The following DOT1L variants were observed in gnomAD, a reference collection of about 807,000 sequenced individuals.
The protein encoded by DOT1L is DOT1 like histone lysine methyltransferase.
DOT1L carries 33 observed loss-of-function variants against 153.3 expected under a neutral mutation model. The observed-to-expected ratio is 0.22, with a 90% confidence interval of 0.16 to 0.29. DOT1L has a LOEUF of 0.29. Ranked by LOEUF, DOT1L falls within the 10% of genes least tolerant of loss-of-function variation. DOT1L has a pLI of 1.00. For missense variants in DOT1L, 1,847 were observed against 2,119.9 expected (o/e 0.87, Z 2.53); for synonymous variants, 1,135 against 965.1 (o/e 1.18, Z -3.26).
chr19:2,228,881 C>T (rs1350756712), intron 27 of DOT1L: 1 of 985,314 alleles, frequency 1.0e-6, no homozygotes, highest in Admixed American at 6.1e-5. Flanking sequence ...TCGGGGCTGT[C>T]TGGCCAGTAG....
chr19:2,215,304 G>A (rs905738177), intron 19 of DOT1L, among the ~76,000 whole-genome samples: 7 of 152,164 alleles, frequency 4.6e-5, no homozygotes, highest in African/African-American at 1.7e-4. Context: ...ACCGAGAAAC[G>A]CATTCGTGGA....
At chr19:2,185,765 T>C in intron 2 of DOT1L, 90 bp from the exon 3 acceptor site, 1 of 1,440,062 alleles carries the variant, frequency 6.9e-7, no homozygotes, top group Non-Finnish European at 9.7e-7. Flanking sequence ...TGAGACTCCG[T>C]CTCAAAACAA....
chr19:2,209,870 T>TA (rs2023644649), intron 12 of DOT1L, among the ~76,000 whole-genome samples: 1 of 152,126 alleles, frequency 6.6e-6, no homozygotes, highest in South Asian at 2.1e-4. Flanking sequence ...CCACCATGCT[T>TA]AGGGGGATGT....
chr19:2,195,924 G>T (rs557111255), intron 7 of DOT1L, among the ~76,000 whole-genome samples: 1 of 152,354 alleles, frequency 6.6e-6, no homozygotes, highest in African/African-American at 2.4e-5. Flanking sequence ...TACAGTTCCA[G>T]TCCCCTCCCA....
chr19:2,202,622 A>G, intron 8 of DOT1L, 78 bp from the exon 9 acceptor site: 2 of 1,422,226 alleles, frequency 1.4e-6, no homozygotes, highest in East Asian at 4.6e-5. Flanking sequence ...CACCGACAGC[A>G]GCGGTTGTTG....
intron 1 of DOT1L, among the ~76,000 whole-genome samples, chr19:2,178,690 G>A (rs903094524): frequency 6.6e-6 from 1 of 151,856 alleles, no homozygotes; most frequent in Non-Finnish European, 1.5e-5. Flanking sequence ...CAGAGTGCTG[G>A]GATTACAGGT....
chr19:2,228,383 G>GT (rs1295900969), intron 27 of DOT1L: 1 of 1,288,848 alleles, frequency 7.8e-7, no homozygotes, highest in African/African-American at 1.5e-5. Flanking sequence ...ATTGTGTAAG[G>GT]TAAGGCCAGA....
chr19:2,172,129 G>A (rs1269754814), intron 1 of DOT1L, among the ~76,000 whole-genome samples: 1 of 152,082 alleles, frequency 6.6e-6, no homozygotes, highest in East Asian at 1.9e-4. Flanking sequence ...GGCCTGTGGA[G>A]TTCTGCACAG....
chr19:2,225,268 TG>T, intron 25 of DOT1L, 119 bp from the exon 26 acceptor site: 2 of 995,378 alleles, frequency 2.0e-6, no homozygotes, highest in Non-Finnish European at 1.6e-6. Context: ...GTCCCCTGTC[TG>T]GGCCGAGTGC....
chr19:2,217,991 C>T lies in DOT1L; in HGVS notation c.2691+73C>T, dbSNP rs1166470530. ...ACAGTCTGGGGTGCTCGAGACCTGGCTCACTTTGCGAAGTCTCACGCTGTA... is the reference window on the plus strand; with the variant it reads ...ACAGTCTGGGGTGCTCGAGACCTGGTTCACTTTGCGAAGTCTCACGCTGTA... On this transcript the variant is annotated intron_variant, in intron 22 of 27. Coordinates refer to ENST00000398665, the MANE Select transcript of DOT1L (RefSeq NM_032482.3). This position sits in a 1 kb window ranked among gnomAD's most constrained non-coding sequence, Gnocchi z 7.3. 2.6e-6 allele frequency: 4 copies of T among 1,549,194 alleles called. No individual in the cohort carries two copies. The highest frequency in any genetic ancestry group is 1.4e-5 in the African/African-American group (1 of 74,016).
chr19:2,217,174 C>A lies in DOT1L; in HGVS notation c.2544+84C>A, dbSNP rs2144873952. ...CGAGTTGCTAGCAGGAGGGCTTGTC[C>A]TAGTTGACCTTGGGGCACGGTGAGG... On this transcript the variant is annotated intron_variant, in intron 21 of 27. Transcript: ENST00000398665. This position sits in a 1 kb window ranked among gnomAD's most constrained non-coding sequence, Gnocchi z 7.3. 1 of 1,462,184 alleles carries A rather than the reference C, an allele frequency of 6.8e-7. No homozygotes were observed. The highest frequency in any genetic ancestry group is 9.0e-7 in the Non-Finnish European group (1 of 1,109,768). The allele number at this position is 1,462,184 out of a possible 1,614,324, so 90.6% of individuals were successfully genotyped here.
intron 22 of DOT1L, among the ~76,000 whole-genome samples, chr19:2,218,646 G>A (rs1362330602): frequency 2.0e-5 from 3 of 151,940 alleles, no homozygotes; most frequent in Non-Finnish European, 4.4e-5. Context: ...GCCCGCCTGG[G>A]CCTCCCAAAG....
intron 25 of DOT1L, among the ~76,000 whole-genome samples, chr19:2,224,531 G>A (rs143385757): frequency 4.7e-5 from 7 of 150,260 alleles, no homozygotes; most frequent in South Asian, 2.1e-4. Flanking sequence ...GCGGTGGCGC[G>A]ATCTCGGCTC....
At chr19:2,194,254 T>C (rs1266176668) in intron 6 of DOT1L, among the ~76,000 whole-genome samples, 1 of 152,092 alleles carries the variant, frequency 6.6e-6, no homozygotes, top group Non-Finnish European at 1.5e-5. Context: ...CACTGCAAGC[T>C]CCGCCACCTG....
At chr19:2,228,221 G>GCTGGCC in intron 27 of DOT1L, 4 of 1,363,496 alleles carry the variant, frequency 2.9e-6, no homozygotes, top group South Asian at 2.3e-5. Flanking sequence ...CCCTGCCCCG[G>GCTGGCC]CTGGCCCTGG....
rs571890299 is a variant in DOT1L, at chr19:2,172,193, CT to C, written c.81+7942del. Among the ~76,000 whole-genome samples, 393 of 144,004 alleles carry C rather than the reference CT, an allele frequency of 2.7e-3. 1 individual carries two copies. Among genetic ancestry groups the C allele is most frequent in the African/African-American group, 5.9e-3 (235 of 39,610 alleles). The allele number at this position is 144,004 out of a possible 152,430, so 94.5% of individuals were successfully genotyped here. On this transcript the variant is annotated intron_variant, in intron 1 of 27. Coordinates refer to ENST00000398665, the MANE Select transcript of DOT1L (RefSeq NM_032482.3). ...TTTCTTTTTTGTTTTCTTTTCTTTCCTTTTTTTTTTTTTTGAGACGGAGTCT... is the reference window on the plus strand; with the variant it reads ...TTTCTTTTTTGTTTTCTTTTCTTTCCTTTTTTTTTTTTTGAGACGGAGTCT...
chr19:2,169,534 C>T (rs1389742540), intron 1 of DOT1L, among the ~76,000 whole-genome samples: 1 of 152,102 alleles, frequency 6.6e-6, no homozygotes, highest in African/African-American at 2.4e-5. Context: ...CGCTCTGTCT[C>T]CCAGGCTGGA....
In DOT1L at chr19:2,217,634, GT is replaced by G; in HGVS notation, c.2545-137del. ...CCGGTGTCCAGGAGGGCCTGACTGC[GT>G]GGGGAAGGTTGCAGGGCCTTGGCAG... On this transcript the variant is annotated intron_variant, in intron 21 of 27. Coordinates refer to ENST00000398665, the MANE Select transcript of DOT1L (RefSeq NM_032482.3). The surrounding 1 kb of genome is among the most constrained non-coding windows in gnomAD (Gnocchi z 7.3). 7.9e-7 allele frequency: 1 copy of G among 1,271,336 alleles called. No individual in the cohort carries two copies. The highest frequency in any genetic ancestry group is 1.1e-6 in the Non-Finnish European group (1 of 929,148). 78.8% of individuals were successfully genotyped at this position (1,271,336 alleles called of 1,614,324 possible). A position where few individuals can be genotyped will look rare whatever the true frequency, so the allele number is the denominator to read the frequency against.
At position 2,222,769 on chromosome 19, in the gene DOT1L, G is replaced by A. The variant is rs923089698; in HGVS notation, c.3390+210G>A. The A allele has an allele frequency of 2.8e-5, 16 of 571,574 alleles. No individual in the cohort carries two copies. Among genetic ancestry groups the A allele is most frequent in the Non-Finnish European group, 3.6e-5 (12 of 337,034 alleles). The allele number at this position is 571,574 out of a possible 1,614,324, so 35.4% of individuals were successfully genotyped here. ...CAAAAGATTAGCCGGGCGTGGTGGC[G>A]GGTGCCTGGGAGGCTGAGGCAGGAG... On this transcript the variant is annotated intron_variant, in intron 24 of 27. Coordinates refer to ENST00000398665, the MANE Select transcript of DOT1L (RefSeq NM_032482.3). This position sits in a 1 kb window ranked among gnomAD's most constrained non-coding sequence, Gnocchi z 6.5.
Sources: gnomAD v4.1 joint callset for allele counts (sites outside exome capture counted in the v4.1 genomes callset) on GRCh38, gnomAD v4.1.1 for gene constraint, Gnocchi (gnomAD v3.1) non-coding constraint, MANE v1.5 for transcripts, NCBI Gene and HGNC (gene_info 2026-07-23, HGNC 2026-07-21) for gene names.